Variants in MAPKBP1 observed in about 807,000 individuals in gnomAD.
The protein encoded by MAPKBP1 is mitogen-activated protein kinase-binding protein 1.
A neutral mutation model predicts 170.5 loss-of-function variants in MAPKBP1; 71 were observed. That is an observed-to-expected ratio of 0.42 (90% CI 0.34 to 0.51). MAPKBP1 has a LOEUF of 0.51. MAPKBP1 is among the 20% of genes least tolerant of loss of function. The pLI, the probability that MAPKBP1 is intolerant of heterozygous loss-of-function variation, is 0.06. For synonymous variants in MAPKBP1, 719 were observed against 757.9 expected, an observed-to-expected ratio of 0.95 and a Z score of 0.84; for missense variants, 1,598 against 1,933.0, an observed-to-expected ratio of 0.83 and a Z score of 3.25.
chr15:41,819,547 C>CGGGGGGGGGGGTGGGGGGGGGGGGGG, intron 21 of MAPKBP1, 48 bp from the exon 22 acceptor site: 1 of 1,228,204 alleles, frequency 8.1e-7, no homozygotes, highest in Non-Finnish European at 1.1e-6. Flanking sequence ...GGTTGGGTGG[C>CGGGGGGGGGGGTGGGGGGGGGGGGGG]GGGGGGGGGG....
At position 41,790,637 on chromosome 15, in the gene MAPKBP1, C is replaced by T. The variant is rs191407647; in HGVS notation, c.115-9186C>T. The stretch of plus-strand genomic sequence containing the variant: ...ATTCTAAACCGTTAAGCAGGATACC[C>T]TTTTTTTGTTTGTTTGTCACATTGG... On this transcript the variant is annotated intron_variant, in intron 2 of 30. Transcript: ENST00000457542. 4.0e-3 allele frequency among the ~76,000 whole-genome samples: 616 copies of T among 152,232 alleles called. 5 individuals carry two copies. Among genetic ancestry groups the T allele is most frequent in the African/African-American group, 0.014 (592 of 41,534 alleles).
intron 3 of MAPKBP1, among the ~76,000 whole-genome samples, chr15:41,802,990 A>C (rs2064624403): frequency 6.6e-6 from 1 of 152,144 alleles, no homozygotes; most frequent in African/African-American, 2.4e-5. Context: ...CTGTTGACCA[A>C]AATGTTATTA....
Position 41,774,589 on chromosome 15 carries a change from T to C in MAPKBP1, c.-131T>C, listed in dbSNP as rs1036380096. 2 of 398,488 alleles carry C rather than the reference T, an allele frequency of 5.0e-6. No individual in the cohort carries two copies. The highest frequency in any genetic ancestry group is 8.8e-6 in the Non-Finnish European group (2 of 226,094). 24.7% of individuals were successfully genotyped at this position (398,488 alleles called of 1,614,324 possible). ...ATGCCCGAGGGCGCTGTGAGCGGGG[T>C]GGCCTTAGCTCGCCGAGGCTGGTGA... On this transcript the variant is annotated 5_prime_UTR_variant, in exon 1 of 31. Coordinates refer to ENST00000457542, the MANE Select transcript of MAPKBP1 (RefSeq NM_014994.3).
At chr15:41,775,065 G>A (rs2064074603) in intron 1 of MAPKBP1, 102 bp from the exon 2 acceptor site, 7 of 561,596 alleles carry the variant, frequency 1.2e-5, no homozygotes, top group South Asian at 2.3e-5. Context: ...AGAAGGTGGG[G>A]ATGAGGGAAA....
intron 2 of MAPKBP1, among the ~76,000 whole-genome samples, chr15:41,784,893 TAAAAAAA>T (rs35451237): frequency 2.8e-5 from 3 of 105,664 alleles, no homozygotes; most frequent in Admixed American, 1.0e-4. Flanking sequence ...ACCCTATCTG[TAAAAAAA>T]AAAAAAAAAA....
chr15:41,819,557 G>GGGGGGGGGGGGGGGGGGGGGGGGGGGGC, intron 21 of MAPKBP1, 38 bp from the exon 22 acceptor site: 1 of 1,384,682 alleles, frequency 7.2e-7, no homozygotes. Flanking sequence ...CGGGGGGGGG[G>GGGGGGGGGGGGGGGGGGGGGGGGGGGGC]CAGGAGACAC....
intron 3 of MAPKBP1, among the ~76,000 whole-genome samples, chr15:41,803,033 G>A (rs1444711133): frequency 2.6e-5 from 4 of 152,082 alleles, no homozygotes; most frequent in African/African-American, 9.7e-5. Flanking sequence ...TCTATGCCAG[G>A]TACTTTTTAA....
intron 22 of MAPKBP1, among the ~76,000 whole-genome samples, 154 bp from the exon 23 acceptor site, chr15:41,820,678 G>A (rs529497091): frequency 6.6e-6 from 1 of 152,284 alleles, no homozygotes; most frequent in South Asian, 2.1e-4. Flanking sequence ...TGTAAAACAA[G>A]GATTATACTA....
intron 10 of MAPKBP1, 147 bp downstream of exon 10, chr15:41,814,886 ACTG>A: frequency 1.9e-6 from 2 of 1,060,792 alleles, no homozygotes; most frequent in Non-Finnish European, 1.4e-6. Context: ...GATCCTGGGG[ACTG>A]AGTTTGAATG....
At position 41,818,988 on chromosome 15, in the gene MAPKBP1, G is replaced by A. The variant is rs748013273; in HGVS notation, c.2291+31G>A. The A allele has an allele frequency of 6.2e-7, 1 of 1,609,414 alleles. No homozygotes were observed. Among genetic ancestry groups the A allele is most frequent in the African/African-American group, 1.3e-5 (1 of 74,986 alleles). On this transcript the variant is annotated intron_variant, in intron 20 of 30. Transcript: ENST00000457542. This position sits in a 1 kb window ranked among gnomAD's most constrained non-coding sequence, Gnocchi z 5.2. ...AACAGAATGTGGGCAAGTGATGGGTGGGTGTGCAGATGGCTTGCTGGGACC... is the reference window on the plus strand; with the variant it reads ...AACAGAATGTGGGCAAGTGATGGGTAGGTGTGCAGATGGCTTGCTGGGACC...
intron 2 of MAPKBP1, among the ~76,000 whole-genome samples, chr15:41,783,963 C>T (rs933539718): frequency 6.6e-6 from 1 of 151,908 alleles, no homozygotes; most frequent in African/African-American, 2.4e-5. Flanking sequence ...GAGCCGAGAT[C>T]GCGCCACTGC....
chr15:41,785,571 T>TC (rs1434881114), intron 2 of MAPKBP1, among the ~76,000 whole-genome samples: 9 of 152,216 alleles, frequency 5.9e-5, no homozygotes, highest in Non-Finnish European at 1.3e-4. Context: ...GGGTCTAATT[T>TC]ATATTGACAA....
At chr15:41,782,707 C>T (rs1453775928) in intron 2 of MAPKBP1, among the ~76,000 whole-genome samples, 1 of 151,970 alleles carries the variant, frequency 6.6e-6, no homozygotes, top group African/African-American at 2.4e-5. Flanking sequence ...CAGCATGGCA[C>T]TGACTGCAGA....
chr15:41,819,764 T>C, intron 22 of MAPKBP1, 114 bp downstream of exon 22: 4 of 1,052,182 alleles, frequency 3.8e-6, no homozygotes, highest in Non-Finnish European at 5.5e-6. Flanking sequence ...GCCCACATGC[T>C]GCACTCGTGT....
chr15:41,784,522 ACCT>A lies in MAPKBP1; in HGVS notation c.114+9134_114+9136del, dbSNP rs1475397494. Among the ~76,000 whole-genome samples, 4 of 151,920 alleles carry A rather than the reference ACCT, an allele frequency of 2.6e-5. No homozygotes were observed. In the East Asian group the frequency reaches 7.8e-4, roughly 29 times the overall value. ...AGCTGGGCCGGGCGTGGTGGCTCAC[ACCT>A]GTAATCCCAGCACTTTGGGAGGCCG... On this transcript the variant is annotated intron_variant, in intron 2 of 30. Transcript: ENST00000457542.
intron 2 of MAPKBP1, among the ~76,000 whole-genome samples, chr15:41,797,802 A>G (rs533128674): frequency 1.6e-4 from 24 of 152,278 alleles, no homozygotes; most frequent in African/African-American, 5.8e-4. Flanking sequence ...AGAATTCCTC[A>G]TCTGCATCCC....
At chr15:41,780,270 A>G (rs1457923870) in intron 2 of MAPKBP1, among the ~76,000 whole-genome samples, 1 of 152,094 alleles carries the variant, frequency 6.6e-6, no homozygotes, top group Non-Finnish European at 1.5e-5. Context: ...TCACCTGTGT[A>G]TTTTCATTTC....
intron 2 of MAPKBP1, among the ~76,000 whole-genome samples, chr15:41,788,528 G>A (rs1256302735): frequency 2.0e-5 from 3 of 152,184 alleles, no homozygotes; most frequent in South Asian, 2.1e-4. Context: ...CTGGCCAGGC[G>A]ATCACAGAAA....
At chr15:41,788,701 A>G (rs1020441071) in intron 2 of MAPKBP1, among the ~76,000 whole-genome samples, 1 of 152,246 alleles carries the variant, frequency 6.6e-6, no homozygotes, top group Admixed American at 6.5e-5. Flanking sequence ...ACATGATTCA[A>G]ATAGGTGAGT....
Sources: allele counts gnomAD v4.1 joint callset (sites outside exome capture counted in the v4.1 genomes callset), GRCh38; gene constraint gnomAD v4.1.1; non-coding constraint Gnocchi (gnomAD v3.1); transcripts MANE v1.5; gene names NCBI Gene and HGNC (gene_info 2026-07-23, HGNC 2026-07-21).